The following MMAB variants were observed in gnomAD, a reference collection of about 807,000 sequenced individuals.
MMAB encodes the protein metabolism of cobalamin associated B.
A neutral mutation model predicts 30.6 loss-of-function variants in MMAB; 17 were observed. The ratio of observed to expected loss-of-function variants is 0.56; its 90% CI spans 0.38 to 0.83. The LOEUF (loss-of-function observed/expected upper bound fraction) is 0.83. MMAB is among the 40% of genes least tolerant of loss of function. The pLI is 0.00. For synonymous variants in MMAB, 134 were observed against 138.6 expected (o/e 0.97, Z 0.23); for missense variants, 311 against 331.6 (o/e 0.94, Z 0.48).
At chr12:109,566,758 A>G (rs533564108) in intron 3 of MMAB, among the ~76,000 whole-genome samples, 1 of 152,336 alleles carries the variant, frequency 6.6e-6, no homozygotes, top group South Asian at 2.1e-4. Flanking sequence ...CTTGGTCAAT[A>G]TCTGACCAAG....
chr12:109,560,164 T>C (rs1350700008), intron 7 of MMAB, among the ~76,000 whole-genome samples: 1 of 152,240 alleles, frequency 6.6e-6, no homozygotes, highest in Non-Finnish European at 1.5e-5. Context: ...TAAGGAGCTA[T>C]CTGGGCCCGA....
At position 109,573,449 on chromosome 12, in the gene MMAB, C is replaced by G. The variant is rs1481780966; in HGVS notation, c.32G>C (p.Gly11Ala). The G allele has an allele frequency of 1.2e-6, 2 of 1,607,978 alleles. No homozygotes were observed. Among genetic ancestry groups the G allele is most frequent in the African/African-American group, 1.3e-5 (1 of 74,888 alleles). MAVCGLGSRL[G>A]LGSRLGLRGC... ...GCGCAGGCCAAGACGGCTCCCCAGG[C>G]CAAGACGGCTCCCCAGGCCGCACAC... The change falls in exon 1 of 9, where the codon GGC (glycine) becomes GCC (alanine). Residue 11 changes from glycine to alanine, a missense_variant. Transcript: ENST00000545712.
intron 2 of MMAB, among the ~76,000 whole-genome samples, chr12:109,570,458 G>A (rs1884593296): frequency 6.6e-6 from 1 of 152,084 alleles, no homozygotes; most frequent in Non-Finnish European, 1.5e-5. Context: ...CCCTTCTTAA[G>A]TTTACCATTC....
chr12:109,568,732 C>T (rs997974176), intron 3 of MMAB, 38 bp downstream of exon 3: 2 of 1,509,288 alleles, frequency 1.3e-6, no homozygotes, highest in African/African-American at 1.4e-5. Flanking sequence ...TCATACTCGA[C>T]TCAAACGCAA....
rs1884539043 is a variant in MMAB, at chr12:109,568,992, C to T, written c.197-129G>A. 6.7e-6 allele frequency: 5 copies of T among 751,120 alleles called. No individual in the cohort carries two copies. The East Asian group carries it at 1.3e-4, about 20-fold the overall frequency. The allele number at this position is 751,120 out of a possible 1,614,324, so 46.5% of individuals were successfully genotyped here. Reference sequence around the variant, plus strand: ...TTGAACAGTCACTCTGTCATCCAGGCTGGAGTACAGCGGCGTGATCTTGGC... The same window carrying T: ...TTGAACAGTCACTCTGTCATCCAGGTTGGAGTACAGCGGCGTGATCTTGGC... On this transcript the variant is annotated intron_variant, in intron 2 of 8. Coordinates refer to ENST00000545712, the MANE Select transcript of MMAB (RefSeq NM_052845.4).
At chr12:109,570,403 A>G (rs1884591406) in intron 2 of MMAB, among the ~76,000 whole-genome samples, 1 of 152,210 alleles carries the variant, frequency 6.6e-6, no homozygotes, top group Non-Finnish European at 1.5e-5. Flanking sequence ...CCTTCTTTTT[A>G]ATTGTGGTAA....
At chr12:109,570,785 G>A (rs1398613641) in intron 2 of MMAB, among the ~76,000 whole-genome samples, 1 of 148,266 alleles carries the variant, frequency 6.7e-6, no homozygotes, top group African/African-American at 2.5e-5. Flanking sequence ...GAGGTGGGAG[G>A]ATTGCTTGAG....
In MMAB at chr12:109,556,650, A is replaced by ACT. The variant is rs1227500811; in HGVS notation, c.*377_*378insAG. The stretch of plus-strand genomic sequence containing the variant: ...GCTGGCAGTGGGAGGGCTCTCTCTC[A>ACT]CACACACACACACACACACACACAC... On this transcript the variant is annotated 3_prime_UTR_variant, in exon 9 of 9. Transcript: ENST00000545712. The ACT allele has an allele frequency of 8.8e-4, 58 of 66,060 alleles. No individual in the cohort carries two copies. The highest frequency in any genetic ancestry group is 2.0e-3 in the Non-Finnish European group (49 of 24,218). 4.1% of individuals were successfully genotyped at this position (66,060 alleles called of 1,614,324 possible).
Position 109,554,059 on chromosome 12 carries a change from C to G in MMAB, c.*2969G>C, listed in dbSNP as rs1452941376. 2 of 454,096 alleles carry G rather than the reference C, an allele frequency of 4.4e-6. No individual in the cohort carries two copies. The highest frequency in any genetic ancestry group is 8.8e-6 in the Non-Finnish European group (2 of 226,790). The allele number at this position is 454,096 out of a possible 1,614,324, so 28.1% of individuals were successfully genotyped here. A position where few individuals can be genotyped will look rare whatever the true frequency, so the allele number is the denominator to read the frequency against. ...CAGAGCCTGGCATTGTTCGCCACAG[C>G]CCAGGTAGTGATTAAAACGACTGTC... On this transcript the variant is annotated 3_prime_UTR_variant, in exon 9 of 9. Coordinates refer to ENST00000545712, the MANE Select transcript of MMAB (RefSeq NM_052845.4).
chr12:109,556,742 A>G lies in MMAB; in HGVS notation c.*286T>C, dbSNP rs2136191996. The G allele has an allele frequency of 1.8e-6, 1 of 544,358 alleles. No homozygotes were observed. The highest frequency in any genetic ancestry group is 1.5e-5 in the South Asian group (1 of 65,228). The allele number at this position is 544,358 out of a possible 1,614,324, so 33.7% of individuals were successfully genotyped here. A position where few individuals can be genotyped will look rare whatever the true frequency, so the allele number is the denominator to read the frequency against. On this transcript the variant is annotated 3_prime_UTR_variant, in exon 9 of 9. Transcript: ENST00000545712. ...TTCCTTTTCCGCACAGCTCCTTCTCATTGCAGCAATCACTTTACCTGTCTT... is the reference window on the plus strand; with the variant it reads ...TTCCTTTTCCGCACAGCTCCTTCTCGTTGCAGCAATCACTTTACCTGTCTT...
In MMAB at chr12:109,558,463, C is replaced by G. The variant is rs910164699; in HGVS notation, c.644+633G>C. The stretch of plus-strand genomic sequence containing the variant: ...GCTCCTGGGGTGCAGACCTGCTCCC[C>G]CAGCTCTCTACCTGCCCCCAGGCTC... On this transcript the variant is annotated intron_variant, in intron 8 of 8. Coordinates refer to ENST00000545712, the MANE Select transcript of MMAB (RefSeq NM_052845.4). The surrounding 1 kb of genome is among the most constrained non-coding windows in gnomAD (Gnocchi z 4.3). Among the ~76,000 whole-genome samples the G allele has an allele frequency of 6.6e-6, 1 of 152,196 alleles. No individual in the cohort carries two copies. The highest frequency in any genetic ancestry group is 2.4e-5 in the African/African-American group (1 of 41,466).
rs1231189527 is a variant in MMAB at position 109,556,644 on chromosome 12, T to TCA, written c.*383_*384insTG. ...ACCTGAGCTGGCAGTGGGAGGGCTC[T>TCA]CTCTCACACACACACACACACACAC... On this transcript the variant is annotated 3_prime_UTR_variant, in exon 9 of 9. Transcript: ENST00000545712. The TCA allele has an allele frequency of 1.4e-4, 57 of 402,820 alleles. No individual in the cohort carries two copies. The African/African-American group carries it at 2.1e-3, about 15-fold the overall frequency. 25.0% of individuals were successfully genotyped at this position (402,820 alleles called of 1,614,324 possible).
Position 109,554,223 on chromosome 12 carries a change from A to T in MMAB, c.*2805T>A, listed in dbSNP as rs1174237476. 2.2e-6 allele frequency: 1 copy of T among 453,908 alleles called. No homozygotes were observed. Among genetic ancestry groups the T allele is most frequent in the Non-Finnish European group, 4.4e-6 (1 of 226,720 alleles). 28.1% of individuals were successfully genotyped at this position (453,908 alleles called of 1,614,324 possible). On this transcript the variant is annotated 3_prime_UTR_variant, in exon 9 of 9. Coordinates refer to ENST00000545712, the MANE Select transcript of MMAB (RefSeq NM_052845.4). ...TCCTTCCAGGGCTGCTATGGGGTTCAAATGAGATAATGTCTGTGGAACACT... is the reference window on the plus strand; with the variant it reads ...TCCTTCCAGGGCTGCTATGGGGTTCTAATGAGATAATGTCTGTGGAACACT...
Position 109,568,812 on chromosome 12 carries a change from A to G in MMAB, c.248T>C (p.Phe83Ser), listed in dbSNP as rs1185132313. The change falls in exon 3 of 9, where the codon TTT becomes TCT. Residue 83 changes from phenylalanine (F) to serine (S), a missense_variant. Transcript: ENST00000545712. ...TTCATCTGTAGTTCCCACGGCTTCA[A>G]ACACTTGGTCATCTTTGGGTCTCCT... is the stretch of plus-strand genomic sequence containing the variant. ...GERRPKDDQV[F>S]EAVGTTDELS... The G allele has an allele frequency of 6.2e-7, 1 of 1,614,262 alleles. No homozygotes were observed. Among genetic ancestry groups the G allele is most frequent in the African/African-American group, 1.3e-5 (1 of 75,070 alleles).
rs199853576 is a variant in MMAB, at chr12:109,561,041, G to C, written c.583C>G (p.Arg195Gly). ...CRAVCRRAER[R>G]VVPLVQMGET... ...TCTCCCTCTCTCCAGCCCTCTTACC[G>C]TCTCTCGGCCCGGCGGCACACGGCC... Residue 195 changes from arginine (R) to glycine (G), a missense_variant and splice_region_variant, in exon 7 of 9, where the codon CGT becomes GGT. Coordinates refer to ENST00000545712, the MANE Select transcript of MMAB (RefSeq NM_052845.4). This position sits in a 1 kb window ranked among gnomAD's most constrained non-coding sequence, Gnocchi z 5.3. 2.8e-6 allele frequency: 4 copies of C among 1,439,908 alleles called. No individual in the cohort carries two copies. Among genetic ancestry groups the C allele is most frequent in the African/African-American group, 3.1e-5 (2 of 65,532 alleles). The allele number at this position is 1,439,908 out of a possible 1,614,324, so 89.2% of individuals were successfully genotyped here. A position where few individuals can be genotyped will look rare whatever the true frequency, so the allele number is the denominator to read the frequency against.
intron 2 of MMAB, 49 bp downstream of exon 2, chr12:109,571,600 G>A: frequency 6.6e-7 from 1 of 1,517,602 alleles, no homozygotes; most frequent in Non-Finnish European, 9.2e-7. Flanking sequence ...CTTTAAAATG[G>A]TGTATGCCAT....
At chr12:109,568,464 TTCAC>T (rs1275434199) in intron 3 of MMAB, 2 of 509,152 alleles carry the variant, frequency 3.9e-6, no homozygotes, top group African/African-American at 3.9e-5. Context: ...ACTCACCTCT[TTCAC>T]TCAGTATACT....
At position 109,573,108 on chromosome 12, in the gene MMAB, T is replaced by C. The variant is rs67449922; in HGVS notation, c.134+239A>G. 2,520 of 593,354 alleles carry C rather than the reference T, an allele frequency of 4.2e-3. 15 individuals are homozygous for C. Among genetic ancestry groups the C allele is most frequent in the Non-Finnish European group, 5.7e-3 (1,906 of 331,964 alleles). 36.8% of individuals were successfully genotyped at this position (593,354 alleles called of 1,614,324 possible). A position where few individuals can be genotyped will look rare whatever the true frequency, so the allele number is the denominator to read the frequency against. ...TCACAATCTGAGTCGAGAGCCCTCC[T>C]GGCCCACATGGGATATGCCCTGCCC... is the stretch of plus-strand genomic sequence containing the variant. On this transcript the variant is annotated intron_variant, in intron 1 of 8. Coordinates refer to ENST00000545712, the MANE Select transcript of MMAB (RefSeq NM_052845.4).
At position 109,573,321 on chromosome 12, in the gene MMAB, A is replaced by T. The variant is rs367986401; in HGVS notation, c.134+26T>A. On this transcript the variant is annotated intron_variant, in intron 1 of 8. Transcript: ENST00000545712. ...CACCACGATTCACGGCAGGTGTTCG[A>T]GTTGCCCTTCCCGCCAGCCACTCAC... 14 of 1,611,680 alleles carry T rather than the reference A, an allele frequency of 8.7e-6. No homozygotes were observed. The African/African-American group carries it at 1.7e-4, about 20-fold the overall frequency.
Sources: gnomAD v4.1 joint callset for allele counts (sites outside exome capture counted in the v4.1 genomes callset) on GRCh38, gnomAD v4.1.1 for gene constraint, Gnocchi (gnomAD v3.1) non-coding constraint, MANE v1.5 for transcripts, NCBI Gene and HGNC (gene_info 2026-07-23, HGNC 2026-07-21) for gene names.